The following CNTNAP3 variants were observed in gnomAD, a reference collection of about 807,000 sequenced individuals.
CNTNAP3 encodes the protein contactin-associated protein-like 3.
In CNTNAP3, 36 loss-of-function variants were observed where a neutral mutation model predicts 92.1. That is an observed-to-expected ratio of 0.39 (90% CI 0.30 to 0.52). CNTNAP3 has a LOEUF of 0.52. Among genes scored for constraint, CNTNAP3 ranks in the 20% least tolerant of loss-of-function variants. CNTNAP3 has a pLI of 0.76. For missense variants in CNTNAP3, 534 were observed against 1,069.6 expected, an observed-to-expected ratio of 0.50 and a Z score of 6.98; for synonymous variants, 232 against 422.3, an observed-to-expected ratio of 0.55 and a Z score of 5.53.
chr9:39,128,246 G>A lies in CNTNAP3; in HGVS notation c.2080+4686C>T, dbSNP rs572015588. Among the ~76,000 whole-genome samples, 334 of 151,586 alleles carry A rather than the reference G, an allele frequency of 2.2e-3. 1 individual carries two copies. The highest frequency in any genetic ancestry group is 7.7e-3 in the African/African-American group (316 of 41,160). Reference sequence around the variant, plus strand: ...AATGTTACCAAATTCATTTTATGTAGGCAGTATTGTCCTGATACTGAAACC... The same window carrying A: ...AATGTTACCAAATTCATTTTATGTAAGCAGTATTGTCCTGATACTGAAACC... On this transcript the variant is annotated intron_variant, in intron 13 of 23. Transcript: ENST00000297668.
At chr9:39,148,487 G>A (rs1563892581) in intron 10 of CNTNAP3, among the ~76,000 whole-genome samples, 1 of 151,200 alleles carries the variant, frequency 6.6e-6, no homozygotes, top group Non-Finnish European at 1.5e-5. Flanking sequence ...ACTCCATGAA[G>A]AAGGCAGGTT....
intron 14 of CNTNAP3, among the ~76,000 whole-genome samples, chr9:39,117,751 A>T (rs984101859): frequency 2.6e-5 from 4 of 152,212 alleles, no homozygotes; most frequent in African/African-American, 9.6e-5. Flanking sequence ...TTTAAGACAA[A>T]GATTTGGAGG....
chr9:39,079,735 T>C (rs1372207767), intron 21 of CNTNAP3, among the ~76,000 whole-genome samples: 1 of 120,886 alleles, frequency 8.3e-6, no homozygotes, highest in Non-Finnish European at 1.6e-5. Context: ...TGCTTTCCCT[T>C]TTGTGAGTTT....
intron 4 of CNTNAP3, among the ~76,000 whole-genome samples, chr9:39,184,000 T>C (rs1415127269): frequency 6.7e-6 from 1 of 149,142 alleles, no homozygotes; most frequent in Non-Finnish European, 1.5e-5. Context: ...AGTTCCAAAA[T>C]TTCATAAAAT....
chr9:39,125,382 T>C (rs944684905), intron 13 of CNTNAP3, among the ~76,000 whole-genome samples: 7 of 151,926 alleles, frequency 4.6e-5, no homozygotes, highest in African/African-American at 1.7e-4. Context: ...AGGGGAGGAA[T>C]AGCATTAGGA....
In CNTNAP3 at chr9:39,140,575, A is replaced by G. The variant is rs766973281; in HGVS notation, c.1820T>C (p.Ile607Thr). The stretch of plus-strand genomic sequence containing the variant: ...CAGGGGGCCACTTCCATCTGCATCA[A>G]TATAGTAAAGCCCAGACGGGTTCCC... Reference protein sequence around the residue: ...HRGNPSGLYYIDADGSGPLGP... With the variant: ...HRGNPSGLYYTDADGSGPLGP... The change falls in exon 12 of 24, where the codon ATT (isoleucine) becomes ACT (threonine). Residue 607 changes from isoleucine (I) to threonine (T), a missense_variant. Ile to Thr is a moderately conservative substitution (Grantham distance 89). Coordinates refer to ENST00000297668, the MANE Select transcript of CNTNAP3 (RefSeq NM_033655.5). The G allele has an allele frequency of 7.9e-5, 128 of 1,613,800 alleles. No individual in the cohort carries two copies. The Middle Eastern group carries it at 1.7e-3, about 21-fold the overall frequency.
chr9:39,138,121 C>T (rs1821487044), intron 12 of CNTNAP3, among the ~76,000 whole-genome samples: 1 of 151,822 alleles, frequency 6.6e-6, no homozygotes, highest in Non-Finnish European at 1.5e-5. Context: ...TAAAACTGGT[C>T]TCAGGCTATC....
intron 16 of CNTNAP3, 180 bp downstream of exon 16, chr9:39,103,564 A>G (rs1826519789): frequency 3.0e-6 from 2 of 672,994 alleles, no homozygotes; most frequent in Non-Finnish European, 4.9e-6. Context: ...CATGAGTGAC[A>G]CAGCAAAATC....
intron 18 of CNTNAP3, among the ~76,000 whole-genome samples, chr9:39,093,731 T>C (rs1324283377): frequency 6.6e-6 from 1 of 151,614 alleles, no homozygotes; most frequent in Non-Finnish European, 1.5e-5. Flanking sequence ...CAATATACCA[T>C]TATATGTATA....
chr9:39,145,847 G>C (rs1003912293), intron 10 of CNTNAP3, among the ~76,000 whole-genome samples: 1 of 141,830 alleles, frequency 7.1e-6, no homozygotes, highest in Non-Finnish European at 1.6e-5. Flanking sequence ...GTTGGCTGGG[G>C]TGGGGGCCCA....
intron 21 of CNTNAP3, among the ~76,000 whole-genome samples, chr9:39,082,682 C>T (rs1371771065): frequency 1.3e-5 from 2 of 152,264 alleles, no homozygotes; most frequent in South Asian, 2.1e-4. Context: ...AGGTCATGAC[C>T]CCCTCCAGGA....
At chr9:39,149,762 A>G (rs1210317379) in intron 10 of CNTNAP3, 44 bp downstream of exon 10, 1 of 1,278,564 alleles carries the variant, frequency 7.8e-7, no homozygotes, top group Admixed American at 2.7e-5. Context: ...GCTTTCTTCA[A>G]CTTTGAAAAC....
chr9:39,118,299 C>G, intron 13 of CNTNAP3, 40 bp from the exon 14 acceptor site: 1 of 1,612,308 alleles, frequency 6.2e-7, no homozygotes, highest in Non-Finnish European at 8.5e-7. Flanking sequence ...CTACTTTGTC[C>G]CTCACTACCA....
chr9:39,107,382 G>A (rs1156484609), intron 15 of CNTNAP3, among the ~76,000 whole-genome samples: 1 of 144,270 alleles, frequency 6.9e-6, no homozygotes, highest in African/African-American at 2.6e-5. Flanking sequence ...GGGAGAGAAA[G>A]AGGGAGGGAG....
At position 39,099,343 on chromosome 9, in the gene CNTNAP3, C is replaced by A. The variant is rs1210944659; in HGVS notation, c.2995+568G>T. On this transcript the variant is annotated intron_variant, in intron 18 of 23. Transcript: ENST00000297668. ...AAGAAGAGTCAAACATCATAGAGCACAGTGTTTGAGTGATCCTGTTAATGA... is the reference window on the plus strand; with the variant it reads ...AAGAAGAGTCAAACATCATAGAGCAAAGTGTTTGAGTGATCCTGTTAATGA... Among the ~76,000 whole-genome samples the A allele has an allele frequency of 5.3e-5, 8 of 152,110 alleles. 1 individual carries two copies. Among genetic ancestry groups the A allele is most frequent in the Admixed American group, 2.6e-4 (4 of 15,272 alleles).
In CNTNAP3 at chr9:39,104,521, C is replaced by CACACAA. The variant is rs60788722; in HGVS notation, c.2366-608_2366-607insTTGTGT. Among the ~76,000 whole-genome samples the CACACAA allele has an allele frequency of 2.0e-5, 3 of 149,552 alleles. No homozygotes were observed. The East Asian group carries it at 5.9e-4, about 29-fold the overall frequency. On this transcript the variant is annotated intron_variant, in intron 15 of 23. Transcript: ENST00000297668. ...ACACACACACACACACACACACACA[C>CACACAA]TGTCTTAATTCCTTTCATGGCAAGA... is the stretch of plus-strand genomic sequence containing the variant.
At chr9:39,077,924 G>A (rs186795470) in intron 23 of CNTNAP3, among the ~76,000 whole-genome samples, 118 of 152,180 alleles carry the variant, frequency 7.8e-4, no homozygotes, top group African/African-American at 2.8e-3. Flanking sequence ...AATCAACGAA[G>A]GCCGGGCATG....
chr9:39,141,717 C>G, intron 11 of CNTNAP3, among the ~76,000 whole-genome samples: 1 of 151,994 alleles, frequency 6.6e-6, no homozygotes, highest in Non-Finnish European at 1.5e-5. Flanking sequence ...AGGATTCACT[C>G]AAATTAATAA....
chr9:39,126,341 A>G (rs1446509217), intron 13 of CNTNAP3, among the ~76,000 whole-genome samples: 1 of 152,214 alleles, frequency 6.6e-6, no homozygotes, highest in Non-Finnish European at 1.5e-5. Flanking sequence ...CCAAGCCCAG[A>G]TGATTCACTG....
Sources: gnomAD v4.1 joint callset for allele counts (sites outside exome capture counted in the v4.1 genomes callset) on GRCh38, gnomAD v4.1.1 for gene constraint, MANE v1.5 for transcripts, NCBI Gene and HGNC (gene_info 2026-07-23, HGNC 2026-07-21) for gene names.